The following ZDHHC20 variants were observed in gnomAD, a reference collection of about 807,000 sequenced individuals.
ZDHHC20 encodes palmitoyltransferase ZDHHC20.
ZDHHC20 carries 43 observed loss-of-function variants against 57.8 expected under a neutral mutation model. That is an observed-to-expected ratio of 0.74 (90% confidence interval 0.58 to 0.96). The LOEUF (loss-of-function observed/expected upper bound fraction) is 0.96. Ranked by LOEUF, ZDHHC20 falls within the 40% of genes least tolerant of loss-of-function variation. The probability of loss-of-function intolerance (pLI) is 0.00; values close to 1 mark genes in which losing one functional copy is unlikely to be tolerated. For missense variants in ZDHHC20, 391 were observed against 441.1 expected (o/e 0.89, Z 1.02); for synonymous variants, 157 against 153.0 (o/e 1.03, Z -0.19).
intron 4 of ZDHHC20, among the ~76,000 whole-genome samples, chr13:21,406,546 C>A (rs770921504): frequency 9.2e-5 from 14 of 151,996 alleles, no homozygotes; most frequent in African/African-American, 1.7e-4. Flanking sequence ...CCCTCCACCC[C>A]CCGACAGGCC....
At chr13:21,416,248 A>G (rs1879961867) in intron 3 of ZDHHC20, among the ~76,000 whole-genome samples, 1 of 151,866 alleles carries the variant, frequency 6.6e-6, no homozygotes, top group African/African-American at 2.4e-5. Flanking sequence ...AAATTATGAA[A>G]AGCTTAAACC....
intron 3 of ZDHHC20, among the ~76,000 whole-genome samples, chr13:21,419,799 C>A (rs1369868926): frequency 6.6e-6 from 1 of 152,178 alleles, no homozygotes; most frequent in East Asian, 1.9e-4. Flanking sequence ...GGTAGTTACA[C>A]AGGTGTGTAC....
intron 1 of ZDHHC20, among the ~76,000 whole-genome samples, chr13:21,433,001 T>C (rs1339075599): frequency 6.6e-6 from 1 of 152,274 alleles, no homozygotes; most frequent in African/African-American, 2.4e-5. Context: ...CTTACTCAGA[T>C]ACTACAGTCT....
intron 2 of ZDHHC20, among the ~76,000 whole-genome samples, chr13:21,423,887 G>A (rs1180433005): frequency 6.6e-6 from 1 of 151,724 alleles, no homozygotes; most frequent in Non-Finnish European, 1.5e-5. Flanking sequence ...TATTAAATCA[G>A]GCTTGTTGTT....
intron 1 of ZDHHC20, among the ~76,000 whole-genome samples, chr13:21,433,999 C>T (rs1043382313): frequency 2.6e-5 from 4 of 151,954 alleles, no homozygotes; most frequent in Non-Finnish European, 5.9e-5. Flanking sequence ...ATTCACTTTT[C>T]GGTTCTAGTA....
intron 12 of ZDHHC20, 141 bp from the exon 13 acceptor site, chr13:21,376,796 T>G: frequency 2.2e-6 from 1 of 450,088 alleles, no homozygotes; most frequent in South Asian, 4.0e-5. Flanking sequence ...ACTAATATTA[T>G]AACAATAAAG....
intron 1 of ZDHHC20, among the ~76,000 whole-genome samples, chr13:21,439,354 G>T (rs1472008690): frequency 1.3e-5 from 2 of 151,736 alleles, no homozygotes; most frequent in African/African-American, 4.8e-5. Flanking sequence ...TCAAATATTA[G>T]CCAGGCATGG....
At chr13:21,412,571 T>A (rs1400071003) in intron 4 of ZDHHC20, among the ~76,000 whole-genome samples, 1 of 151,876 alleles carries the variant, frequency 6.6e-6, no homozygotes, top group African/African-American at 2.4e-5. Context: ...AAAACGCCAC[T>A]GATCCTGGTA....
At chr13:21,410,872 T>C (rs1879112176) in intron 4 of ZDHHC20, among the ~76,000 whole-genome samples, 2 of 152,130 alleles carry the variant, frequency 1.3e-5, no homozygotes, top group African/African-American at 4.8e-5. Flanking sequence ...GAAGGAACAG[T>C]TCTGTCTTGC....
chr13:21,399,961 G>A (rs996473209), intron 7 of ZDHHC20, among the ~76,000 whole-genome samples: 6 of 151,736 alleles, frequency 4.0e-5, no homozygotes, highest in African/African-American at 1.2e-4. Context: ...AAGAAATGCT[G>A]TAAAATCTAT....
chr13:21,436,664 GCCTC>G (rs1882580299), intron 1 of ZDHHC20, among the ~76,000 whole-genome samples: 1 of 152,066 alleles, frequency 6.6e-6, no homozygotes, highest in Admixed American at 6.6e-5. Context: ...GTCTCCTTGG[GCCTC>G]CCTATTTCCG....
At position 21,450,784 on chromosome 13, in the gene ZDHHC20, T is replaced by G. The variant is rs963517600; in HGVS notation, c.118+8270A>C. Among the ~76,000 whole-genome samples the G allele has an allele frequency of 1.6e-4, 24 of 151,300 alleles. No homozygotes were observed. The South Asian group carries it at 2.7e-3, about 17-fold the overall frequency. On this transcript the variant is annotated intron_variant, in intron 1 of 12. Coordinates refer to ENST00000400590, the MANE Select transcript of ZDHHC20 (RefSeq NM_001330059.2). ...TTTTTTTTTTTTTGGAGACAGGGTC[T>G]CACTCTGTAACTCAGGCTGGAGTGC...
chr13:21,398,190 C>T (rs561972350), intron 7 of ZDHHC20, among the ~76,000 whole-genome samples: 43 of 152,180 alleles, frequency 2.8e-4, no homozygotes, highest in African/African-American at 1.0e-3. Flanking sequence ...ACAGGTTGGG[C>T]GCGGTGGCTC....
intron 7 of ZDHHC20, among the ~76,000 whole-genome samples, chr13:21,392,275 C>T (rs772595595): frequency 1.3e-4 from 19 of 151,902 alleles, no homozygotes; most frequent in Non-Finnish European, 2.5e-4. Context: ...GACTCTTCTA[C>T]CCAACAAATT....
At chr13:21,438,379 G>A (rs1236186000) in intron 1 of ZDHHC20, among the ~76,000 whole-genome samples, 1 of 152,270 alleles carries the variant, frequency 6.6e-6, no homozygotes, top group East Asian at 1.9e-4. Context: ...TACAGAAGAA[G>A]CTGATTCCAG....
At chr13:21,384,141 G>A (rs1874000114) in intron 9 of ZDHHC20, among the ~76,000 whole-genome samples, 1 of 151,584 alleles carries the variant, frequency 6.6e-6, no homozygotes, top group Admixed American at 6.6e-5. Flanking sequence ...AGAGGTGGGA[G>A]TTTTCAGGCT....
At chr13:21,392,207 TCTC>T in intron 7 of ZDHHC20, among the ~76,000 whole-genome samples, 1 of 144,148 alleles carries the variant, frequency 6.9e-6, no homozygotes, top group African/African-American at 2.7e-5. Flanking sequence ...TGAGACCCTG[TCTC>T]ATAAAAAAAA....
At chr13:21,436,605 T>C (rs1344735122) in intron 1 of ZDHHC20, among the ~76,000 whole-genome samples, 1 of 152,252 alleles carries the variant, frequency 6.6e-6, no homozygotes, top group African/African-American at 2.4e-5. Context: ...ACTTAATAAA[T>C]GTGGTGTTTC....
intron 4 of ZDHHC20, among the ~76,000 whole-genome samples, chr13:21,411,141 G>A (rs1040961856): frequency 8.5e-5 from 13 of 152,148 alleles, no homozygotes; most frequent in African/African-American, 1.7e-4. Context: ...TGTGCTTCCC[G>A]GGTGAGGCGA....
Sources: allele counts gnomAD v4.1 joint callset (sites outside exome capture counted in the v4.1 genomes callset), GRCh38; gene constraint gnomAD v4.1.1; transcripts MANE v1.5; gene names NCBI Gene and HGNC (gene_info 2026-07-23, HGNC 2026-07-21).